Variants in BACE2 observed in about 807,000 individuals in gnomAD.
The protein encoded by BACE2 is 56 kDa aspartic-like protease.
Under a neutral mutation model 46.2 loss-of-function variants are expected in BACE2, and 17 were observed. The ratio of observed to expected loss-of-function variants is 0.37; its 90% CI spans 0.25 to 0.55. The LOEUF (loss-of-function observed/expected upper bound fraction) is 0.55. Ranked by LOEUF, BACE2 falls within the 20% of genes least tolerant of loss-of-function variation. BACE2 has a pLI of 0.82. For synonymous variants in BACE2, 277 were observed against 295.9 expected, an observed-to-expected ratio of 0.94 and a Z score of 0.66; for missense variants, 595 against 698.1, an observed-to-expected ratio of 0.85 and a Z score of 1.66.
intron 8 of BACE2, among the ~76,000 whole-genome samples, chr21:41,268,234 G>T (rs1054589638): frequency 6.6e-6 from 1 of 152,186 alleles, no homozygotes. Context: ...GGGGGGCAAA[G>T]AAGTTAAGTA....
chr21:41,203,930 G>A (rs1183161959), intron 1 of BACE2, among the ~76,000 whole-genome samples: 5 of 152,198 alleles, frequency 3.3e-5, no homozygotes, highest in Non-Finnish European at 7.3e-5. Context: ...TTGGGGGGTG[G>A]TGGCCCCAAG....
At position 41,245,999 on chromosome 21, in the gene BACE2, C is replaced by T. The variant is rs754593712; in HGVS notation, c.920C>T (p.Thr307Met). Reference sequence around the variant, plus strand: ...AAGGCCATCGTGGACAGTGGCACCACGCTGCTGCGCCTGCCCCAGAAGGTG... The same window carrying T: ...AAGGCCATCGTGGACAGTGGCACCATGCTGCTGCGCCTGCCCCAGAAGGTG... ...ADKAIVDSGTTLLRLPQKVFD... is the reference protein window; with the variant it reads ...ADKAIVDSGTMLLRLPQKVFD... The change falls in exon 6 of 9, where the codon ACG becomes ATG. Residue 307 changes from threonine (T) to methionine (M), a missense_variant. This residue lies in a region of BACE2 where 343 missense variants were observed against 419.4 expected (regional missense o/e 0.82). Coordinates refer to ENST00000330333, the MANE Select transcript of BACE2 (RefSeq NM_012105.5). 9 of 1,611,254 alleles carry T rather than the reference C, an allele frequency of 5.6e-6. No homozygotes were observed. The highest frequency in any genetic ancestry group is 1.7e-5 in the Admixed American group (1 of 59,750).
Position 41,262,414 on chromosome 21 carries a change from C to A in BACE2, c.1303+5088C>A, listed in dbSNP as rs142157360. 3.9e-4 allele frequency among the ~76,000 whole-genome samples: 60 copies of A among 152,232 alleles called. No homozygotes were observed. In the East Asian group the frequency reaches 0.011, roughly 27 times the overall value. ...ATTCCACTGGTCAAGTTGTCTATCC[C>A]TCGGCTAAGCTATATAGTTTTATTT... On this transcript the variant is annotated intron_variant, in intron 8 of 8. Transcript: ENST00000330333.
chr21:41,243,732 A>G (rs75038777), intron 5 of BACE2, among the ~76,000 whole-genome samples: 2,296 of 152,312 alleles, frequency 0.015, 47 homozygotes, highest in African/African-American at 0.051. Flanking sequence ...TTATCTTCAT[A>G]GGGCAAAATT....
At chr21:41,177,037 T>C (rs967484647) in intron 1 of BACE2, 1 of 152,252 alleles carries the variant, frequency 6.6e-6, no homozygotes, top group East Asian at 1.9e-4. Context: ...TAGAAGTTGT[T>C]ACAAATGGTT....
chr21:41,226,808 G>C (rs1986832610), intron 2 of BACE2, among the ~76,000 whole-genome samples: 1 of 152,236 alleles, frequency 6.6e-6, no homozygotes, highest in African/African-American at 2.4e-5. Context: ...GCATAGTTCA[G>C]TAGGGGTTAC....
intron 8 of BACE2, among the ~76,000 whole-genome samples, chr21:41,266,946 TTGTGTGTGTGTG>T (rs10527457): frequency 6.7e-6 from 1 of 148,266 alleles, no homozygotes; most frequent in African/African-American, 2.5e-5. Flanking sequence ...CTCACAGTGT[TTGTGTGTGTGTG>T]TGTGTGTGTG....
At chr21:41,244,311 G>A (rs1987392283) in intron 5 of BACE2, among the ~76,000 whole-genome samples, 2 of 152,286 alleles carry the variant, frequency 1.3e-5, no homozygotes, top group African/African-American at 4.8e-5. Context: ...CTTTGTTTGA[G>A]CAACAAGGTT....
chr21:41,258,910 G>T (rs992250939), intron 8 of BACE2, among the ~76,000 whole-genome samples: 9 of 152,302 alleles, frequency 5.9e-5, no homozygotes, highest in Middle Eastern at 3.4e-3. Context: ...ATCATTGAGT[G>T]AGACCTTTCT....
rs1282990265 is a variant in BACE2 at position 41,237,735 on chromosome 21, G to C, written c.618+6G>C. 6 of 1,606,460 alleles carry C rather than the reference G, an allele frequency of 3.7e-6. No individual in the cohort carries two copies. The highest frequency in any genetic ancestry group is 5.1e-6 in the Non-Finnish European group (6 of 1,173,112). On this transcript the variant is annotated splice_donor_region_variant and intron_variant, in intron 3 of 8. Coordinates refer to ENST00000330333, the MANE Select transcript of BACE2 (RefSeq NM_012105.5). ...CTTATGCCACACTTGCCAAGGTAAGGCTAATCCATGGATTTAAGGAAATCA... is the reference window on the plus strand; with the variant it reads ...CTTATGCCACACTTGCCAAGGTAAGCCTAATCCATGGATTTAAGGAAATCA...
At chr21:41,172,887 G>A (rs953540724) in intron 1 of BACE2, among the ~76,000 whole-genome samples, 6 of 152,174 alleles carry the variant, frequency 3.9e-5, no homozygotes, top group Admixed American at 2.0e-4. Flanking sequence ...CTGTCCCTCC[G>A]GAGGCTCTGG....
At chr21:41,178,919 T>G in intron 1 of BACE2, 2 of 349,680 alleles carry the variant, frequency 5.7e-6, no homozygotes, top group African/African-American at 2.1e-5. Context: ...GGAAGGGGTA[T>G]TGGTGAAAGA....
chr21:41,255,736 CT>C (rs552643767), intron 7 of BACE2, among the ~76,000 whole-genome samples: 2,670 of 151,648 alleles, frequency 0.018, 81 homozygotes, highest in African/African-American at 0.058. Flanking sequence ...TAAACTCTGA[CT>C]TTTTTTTTAA....
chr21:41,261,125 C>A (rs982056795), intron 8 of BACE2, among the ~76,000 whole-genome samples: 1 of 152,146 alleles, frequency 6.6e-6, no homozygotes, highest in African/African-American at 2.4e-5. Context: ...CTGCAGTGAA[C>A]GTCTTTGTGT....
chr21:41,265,028 T>C (rs1988032447), intron 8 of BACE2, among the ~76,000 whole-genome samples: 1 of 152,196 alleles, frequency 6.6e-6, no homozygotes, highest in Non-Finnish European at 1.5e-5. Flanking sequence ...TATAGTGTTG[T>C]GTAAAATTTT....
intron 1 of BACE2, chr21:41,183,044 T>A (rs183972277): frequency 1.0e-4 from 17 of 166,752 alleles, no homozygotes; most frequent in African/African-American, 4.1e-4. Context: ...AAGGAAGAAG[T>A]CATGAACTTC....
At chr21:41,262,122 C>T (rs569652530) in intron 8 of BACE2, among the ~76,000 whole-genome samples, 2 of 152,114 alleles carry the variant, frequency 1.3e-5, no homozygotes, top group Non-Finnish European at 2.9e-5. Flanking sequence ...CCCCAGGTGT[C>T]CCCAGAATGT....
chr21:41,246,396 A>C (rs1987473719), intron 6 of BACE2: 1 of 159,594 alleles, frequency 6.3e-6, no homozygotes, highest in Non-Finnish European at 1.4e-5. Flanking sequence ...TTCAAATAAT[A>C]GTTCAGTTGG....
intron 1 of BACE2, among the ~76,000 whole-genome samples, chr21:41,210,384 T>C (rs999595235): frequency 5.9e-5 from 9 of 152,086 alleles, no homozygotes; most frequent in Admixed American, 2.6e-4. Flanking sequence ...AAATAGAGAA[T>C]AGAACAGACT....
Sources: allele counts gnomAD v4.1 joint callset (sites outside exome capture counted in the v4.1 genomes callset), GRCh38; gene constraint gnomAD v4.1.1; regional missense constraint gnomAD v4.1.1; transcripts MANE v1.5; gene names NCBI Gene and HGNC (gene_info 2026-07-23, HGNC 2026-07-21).